Variants in PRIM2 observed in about 807,000 individuals in gnomAD.
PRIM2 encodes DNA primase large subunit.
A neutral mutation model predicts 67.3 loss-of-function variants in PRIM2; 39 were observed. The observed-to-expected ratio is 0.58, with a 90% CI of 0.45 to 0.76. The LOEUF (loss-of-function observed/expected upper bound fraction) is 0.76. Among genes scored for constraint, PRIM2 ranks in the 30% least tolerant of loss-of-function variants. The pLI is 0.00. For missense variants in PRIM2, 398 were observed against 598.7 expected (o/e 0.66, Z 3.50); for synonymous variants, 143 against 198.7 (o/e 0.72, Z 2.36).
intron 7 of PRIM2, among the ~76,000 whole-genome samples, chr6:57,447,077 G>C (rs559022532): frequency 6.6e-6 from 1 of 152,368 alleles, no homozygotes; most frequent in African/African-American, 2.4e-5. Context: ...GCCTAGGCTA[G>C]TGGCAGTGCC....
At chr6:57,319,479 A>G (rs558138462) in intron 2 of PRIM2, among the ~76,000 whole-genome samples, 1 of 152,364 alleles carries the variant, frequency 6.6e-6, no homozygotes, top group African/African-American at 2.4e-5. Context: ...GTGTTGAATG[A>G]AAGAATGAAG....
At chr6:57,281,115 A>T in the PRIM2 span, among the ~76,000 whole-genome samples, 1 of 152,174 alleles carries the variant, frequency 6.6e-6, no homozygotes, top group African/African-American at 2.4e-5. Context: ...CAAATGTTGC[A>T]GTTGCTGCAA....
At chr6:57,550,089 C>G (rs1250797042) in intron 10 of PRIM2, among the ~76,000 whole-genome samples, 3 of 152,098 alleles carry the variant, frequency 2.0e-5, no homozygotes, top group Non-Finnish European at 4.4e-5. Flanking sequence ...CCGTGTCCCC[C>G]CTAAACCCCC....
At chr6:57,478,936 C>T (rs1357556251) in intron 7 of PRIM2, among the ~76,000 whole-genome samples, 7 of 152,310 alleles carry the variant, frequency 4.6e-5, no homozygotes, top group African/African-American at 9.6e-5. Flanking sequence ...CACCTGAGGT[C>T]GGGAGTTCGA....
intron 7 of PRIM2, among the ~76,000 whole-genome samples, chr6:57,458,133 C>T (rs1772868634): frequency 6.6e-6 from 1 of 152,172 alleles, no homozygotes; most frequent in African/African-American, 2.4e-5. Context: ...AAATGACCCA[C>T]ATTATTATTT....
intron 5 of PRIM2, among the ~76,000 whole-genome samples, chr6:57,327,164 A>G (rs1767894387): frequency 6.6e-6 from 1 of 152,030 alleles, no homozygotes; most frequent in African/African-American, 2.4e-5. Flanking sequence ...GGCCTCCCAA[A>G]GTGCTGGGAT....
intron 7 of PRIM2, among the ~76,000 whole-genome samples, chr6:57,440,953 G>A (rs937886991): frequency 1.2e-4 from 19 of 152,220 alleles, no homozygotes; most frequent in African/African-American, 4.6e-4. Context: ...GGCATAAACA[G>A]TATCAGATCC....
chr6:57,332,124 T>G (rs1768075086), intron 5 of PRIM2, among the ~76,000 whole-genome samples: 1 of 152,096 alleles, frequency 6.6e-6, no homozygotes, highest in African/African-American at 2.4e-5. Flanking sequence ...TTCAAAGTAT[T>G]CTTTTTTACT....
intron 7 of PRIM2, among the ~76,000 whole-genome samples, chr6:57,467,103 C>T (rs1298260812): frequency 6.2e-5 from 2 of 32,128 alleles, no homozygotes; most frequent in Non-Finnish European, 1.6e-4. Context: ...GAAACTCCAT[C>T]TCAAAAAAAA....
chr6:57,644,878 A>G (rs1183742621), intron 13 of PRIM2, among the ~76,000 whole-genome samples: 3 of 152,210 alleles, frequency 2.0e-5, no homozygotes, highest in African/African-American at 7.2e-5. Flanking sequence ...GGAAAGTGAA[A>G]CTGAATATAA....
the PRIM2 span, among the ~76,000 whole-genome samples, chr6:57,241,627 A>AG: frequency 6.7e-6 from 1 of 149,574 alleles, no homozygotes; most frequent in Non-Finnish European, 1.5e-5. Context: ...AATTGGGGGG[A>AG]TGGGGAGGAG....
At chr6:57,564,713 T>C (rs1398809045) in intron 10 of PRIM2, among the ~76,000 whole-genome samples, 4 of 152,136 alleles carry the variant, frequency 2.6e-5, no homozygotes, top group South Asian at 2.1e-4. Context: ...GGGAAAATCA[T>C]TGGTAAATCT....
intron 9 of PRIM2, among the ~76,000 whole-genome samples, chr6:57,535,068 G>T (rs1412098483): frequency 7.2e-5 from 11 of 151,932 alleles, no homozygotes; most frequent in African/African-American, 2.7e-4. Context: ...GTTCACTACT[G>T]GTTCCCCAGG....
intron 10 of PRIM2, among the ~76,000 whole-genome samples, chr6:57,586,561 A>G (rs1180249550): frequency 1.3e-5 from 2 of 152,204 alleles, no homozygotes; most frequent in African/African-American, 4.8e-5. Flanking sequence ...AGACTGGAGT[A>G]TATTCAGAGG....
chr6:57,292,453 A>T, the PRIM2 span, among the ~76,000 whole-genome samples: 3 of 152,180 alleles, frequency 2.0e-5, no homozygotes, highest in African/African-American at 7.2e-5. Context: ...TGCCATCCCC[A>T]TCAAGCTACC....
intron 11 of PRIM2, among the ~76,000 whole-genome samples, chr6:57,601,917 A>G (rs1483247456): frequency 2.6e-5 from 4 of 152,326 alleles, no homozygotes; most frequent in Non-Finnish European, 4.4e-5. Context: ...AGATCAAATA[A>G]TCATAAACAA....
At chr6:57,415,968 A>G (rs1387713261) in intron 7 of PRIM2, among the ~76,000 whole-genome samples, 1 of 152,188 alleles carries the variant, frequency 6.6e-6, no homozygotes, top group Non-Finnish European at 1.5e-5. Context: ...GTCAACCATG[A>G]GAGTTGGAAT....
At chr6:57,587,133 T>G (rs1409311319) in intron 10 of PRIM2, 8 of 152,224 alleles carry the variant, frequency 5.3e-5, no homozygotes, top group Non-Finnish European at 2.9e-5. Context: ...TTTCTTGCCA[T>G]TGCCTTAAAG....
chr6:57,476,224 C>T (rs1382711704), intron 7 of PRIM2, among the ~76,000 whole-genome samples: 2 of 152,116 alleles, frequency 1.3e-5, no homozygotes, highest in Admixed American at 6.5e-5. Context: ...TCTTGAAGGT[C>T]ATGGGTCATA....
Sources: gnomAD v4.1 joint callset for allele counts (sites outside exome capture counted in the v4.1 genomes callset) on GRCh38, gnomAD v4.1.1 for gene constraint, MANE v1.5 for transcripts, NCBI Gene and HGNC (gene_info 2026-07-23, HGNC 2026-07-21) for gene names.